The following BICD1 variants were observed in gnomAD, a reference collection of about 807,000 sequenced individuals.
BICD1 encodes the protein BICD cargo adaptor 1.
A neutral mutation model predicts 92.5 loss-of-function variants in BICD1; 35 were observed. The observed-to-expected ratio is 0.38, with a 90% CI of 0.29 to 0.50. The LOEUF is 0.50. BICD1 is among the 20% of genes least tolerant of loss of function. The probability of loss-of-function intolerance (pLI) is 0.93; values close to 1 mark genes in which losing one functional copy is unlikely to be tolerated. For synonymous variants in BICD1, 429 were observed against 465.1 expected (o/e 0.92, Z 1.00); for missense variants, 950 against 1,189.8 (o/e 0.80, Z 2.97).
At chr12:32,167,792 G>A (rs1251847824) in intron 1 of BICD1, among the ~76,000 whole-genome samples, 2 of 152,044 alleles carry the variant, frequency 1.3e-5, no homozygotes, top group African/African-American at 2.4e-5. Flanking sequence ...CCTATTGCTG[G>A]GTGCTAAGTG....
At chr12:32,295,448 G>A (rs1947841550) in intron 3 of BICD1, among the ~76,000 whole-genome samples, 1 of 152,190 alleles carries the variant, frequency 6.6e-6, no homozygotes, top group East Asian at 1.9e-4. Flanking sequence ...AGGTTGGACA[G>A]ACACAAGAAT....
intron 1 of BICD1, among the ~76,000 whole-genome samples, chr12:32,128,610 TA>T (rs10714973): frequency 0.68 from 103,084 of 151,578 alleles, 35,957 homozygotes; most frequent in Middle Eastern, 0.81. Flanking sequence ...TTCCTTTTCT[TA>T]AAAAAAAACC....
In BICD1 at chr12:32,282,202, C is replaced by CTT. The variant is rs56217529; in HGVS notation, c.427-11757_427-11756dup. 5.7e-3 allele frequency among the ~76,000 whole-genome samples: 539 copies of CTT among 94,174 alleles called. 60 individuals carry two copies. The highest frequency in any genetic ancestry group is 0.012 in the Admixed American group (96 of 7,712). The allele number at this position is 94,174 out of a possible 152,430, so 61.8% of individuals were successfully genotyped here. ...GCAAGACCCAGCTTCAGGTCTTCTT[C>CTT]TTTTTTTTTTTTTTTTTTTTTTTTT... On this transcript the variant is annotated intron_variant, in intron 2 of 9. Coordinates refer to ENST00000652176, the MANE Select transcript of BICD1 (RefSeq NM_001714.4).
chr12:32,163,254 T>C (rs1565557183), intron 1 of BICD1, among the ~76,000 whole-genome samples: 1 of 152,156 alleles, frequency 6.6e-6, no homozygotes, highest in Non-Finnish European at 1.5e-5. Flanking sequence ...TGCCTTCTTT[T>C]CATTAATTTA....
At chr12:32,340,430 T>C (rs1043411025) in intron 8 of BICD1, 1 of 985,348 alleles carries the variant, frequency 1.0e-6, no homozygotes, top group African/African-American at 1.7e-5. Context: ...TTTATCAGGA[T>C]ACCTAACTCG....
chr12:32,338,064 T>C (rs1938210237), intron 7 of BICD1: 1 of 434,114 alleles, frequency 2.3e-6, no homozygotes, highest in East Asian at 4.0e-5. Context: ...AATTTTCAAG[T>C]GTCTGTTAAT....
At chr12:32,128,427 G>A (rs1324498292) in intron 1 of BICD1, among the ~76,000 whole-genome samples, 1 of 152,036 alleles carries the variant, frequency 6.6e-6, no homozygotes, top group Non-Finnish European at 1.5e-5. Context: ...ATAAATGCCT[G>A]TACTAATTCT....
intron 1 of BICD1, among the ~76,000 whole-genome samples, chr12:32,110,280 A>G (rs929496589): frequency 2.0e-5 from 3 of 152,008 alleles, no homozygotes; most frequent in African/African-American, 7.3e-5. Flanking sequence ...AATTCATTAA[A>G]TTTTTTTCCT....
At position 32,106,940 on chromosome 12, in the gene BICD1, G is replaced by A; in HGVS notation, c.-392G>A. ...AGCGCGCCAGACCCAGGGCGAGACTGCAGTGACGCGGCCCGGGAGACATGG... is the reference window on the plus strand; with the variant it reads ...AGCGCGCCAGACCCAGGGCGAGACTACAGTGACGCGGCCCGGGAGACATGG... On this transcript the variant is annotated 5_prime_UTR_variant, in exon 1 of 10. Coordinates refer to ENST00000652176, the MANE Select transcript of BICD1 (RefSeq NM_001714.4). The A allele has an allele frequency of 4.6e-6, 1 of 216,168 alleles. No homozygotes were observed. Among genetic ancestry groups the A allele is most frequent in the Non-Finnish European group, 9.2e-6 (1 of 108,816 alleles). The allele number at this position is 216,168 out of a possible 1,614,324, so 13.4% of individuals were successfully genotyped here.
At chr12:32,353,151 G>A (rs972845395) in intron 8 of BICD1, 1 of 152,130 alleles carries the variant, frequency 6.6e-6, no homozygotes, top group African/African-American at 2.4e-5. Flanking sequence ...TAGTAGATTT[G>A]TTCCTGAGTA....
chr12:32,197,403 G>T (rs185591655), intron 1 of BICD1, among the ~76,000 whole-genome samples: 80 of 152,298 alleles, frequency 5.3e-4, no homozygotes, highest in Non-Finnish European at 9.7e-4. Flanking sequence ...ATGAGTTGGG[G>T]TGGAAATATT....
chr12:32,140,068 G>A (rs2121357612), intron 1 of BICD1, among the ~76,000 whole-genome samples: 1 of 152,310 alleles, frequency 6.6e-6, no homozygotes, highest in Non-Finnish European at 1.5e-5. Context: ...TCAGCCGGCA[G>A]GAGTTCCTGT....
chr12:32,290,875 G>A (rs1459769748), intron 2 of BICD1, among the ~76,000 whole-genome samples: 6 of 152,062 alleles, frequency 3.9e-5, no homozygotes, highest in African/African-American at 1.4e-4. Context: ...CAATTGCAAT[G>A]GTTTTGAATG....
intron 1 of BICD1, among the ~76,000 whole-genome samples, chr12:32,139,985 G>A (rs1942856858): frequency 6.6e-6 from 1 of 152,168 alleles, no homozygotes; most frequent in South Asian, 2.1e-4. Flanking sequence ...GTGTACCGAG[G>A]ACGGATCTCA....
chr12:32,198,640 T>G (rs1053101300), intron 1 of BICD1, among the ~76,000 whole-genome samples: 2 of 151,326 alleles, frequency 1.3e-5, no homozygotes, highest in African/African-American at 4.9e-5. Context: ...CTTCTTAAAA[T>G]GGTCCTCCAC....
At chr12:32,372,014 A>G (rs1939757439) in intron 9 of BICD1, among the ~76,000 whole-genome samples, 1 of 152,230 alleles carries the variant, frequency 6.6e-6, no homozygotes, top group Non-Finnish European at 1.5e-5. Context: ...TGCACTGCAG[A>G]GGAGAAATCT....
chr12:32,184,102 C>G (rs1944358579), intron 1 of BICD1, among the ~76,000 whole-genome samples: 1 of 152,090 alleles, frequency 6.6e-6, no homozygotes, highest in Admixed American at 6.6e-5. Flanking sequence ...GTGGTCAGGA[C>G]TGTTGAAGAA....
chr12:32,328,038 A>T lies in BICD1; in HGVS notation c.1583A>T (p.Glu528Val), dbSNP rs1948832015. ...LYHHVCLCNNETPNRVMLDYY... is the reference protein window; with the variant it reads ...LYHHVCLCNNVTPNRVMLDYY... ...CACCATGTGTGTCTATGTAATAATGAAACTCCCAACAGGGTCATGCTGGAT... is the reference window on the plus strand; with the variant it reads ...CACCATGTGTGTCTATGTAATAATGTAACTCCCAACAGGGTCATGCTGGAT... The change falls in exon 5 of 10, where the codon GAA becomes GTA. Residue 528 changes from glutamate to valine, a missense_variant. Transcript: ENST00000652176. This position sits in a 1 kb window ranked among gnomAD's most constrained non-coding sequence, Gnocchi z 4.4. 1 of 1,614,142 alleles carries T rather than the reference A, an allele frequency of 6.2e-7. No individual in the cohort carries two copies. The highest frequency in any genetic ancestry group is 8.5e-7 in the Non-Finnish European group (1 of 1,180,028).
intron 1 of BICD1, among the ~76,000 whole-genome samples, chr12:32,166,138 A>ATTTATTTATT (rs1555140611): frequency 2.1e-5 from 3 of 143,954 alleles, no homozygotes; most frequent in African/African-American, 7.7e-5. Context: ...TTATTTATTT[A>ATTTATTTATT]TTTATTTATT....
Sources: allele counts gnomAD v4.1 joint callset (sites outside exome capture counted in the v4.1 genomes callset), GRCh38; gene constraint gnomAD v4.1.1; non-coding constraint Gnocchi (gnomAD v3.1); transcripts MANE v1.5; gene names NCBI Gene and HGNC (gene_info 2026-07-23, HGNC 2026-07-21).